LOC102723971: variants seen among roughly 807,000 people sequenced by gnomAD.
the LOC102723971 span, chr9:135,616,600 T>G: frequency 2.8e-5 from 11 of 398,480 alleles, no homozygotes; most frequent in African/African-American, 6.2e-5. Flanking sequence ...AGAAGGGGTG[T>G]GTAAAGAAAC....
chr9:135,618,795 C>T, the LOC102723971 span: 1 of 397,150 alleles, frequency 2.5e-6, no homozygotes, highest in East Asian at 3.6e-5. Flanking sequence ...ACACAGCCAA[C>T]ATGGGGAGGC....
chr9:135,618,786 C>T, the LOC102723971 span: 2 of 396,642 alleles, frequency 5.0e-6, no homozygotes, highest in East Asian at 7.1e-5. Flanking sequence ...CCTGGCAGGA[C>T]ACAGCCAACA....
chr9:135,617,459 C>T, the LOC102723971 span, among the ~76,000 whole-genome samples: 3 of 152,082 alleles, frequency 2.0e-5, no homozygotes, highest in Non-Finnish European at 4.4e-5. Context: ...GCTGCAGTGT[C>T]CTGAAGACGA....
chr9:135,614,355 G>A, the LOC102723971 span: 34 of 398,370 alleles, frequency 8.5e-5, no homozygotes, highest in Middle Eastern at 6.2e-4. Flanking sequence ...CAGAAGGTAC[G>A]TGTCATGGGT....
the LOC102723971 span, among the ~76,000 whole-genome samples, chr9:135,615,090 T>A: frequency 6.6e-6 from 1 of 152,188 alleles, no homozygotes; most frequent in Non-Finnish European, 1.5e-5. Context: ...CGTTTGCCAG[T>A]GCAGCCCCCT....
chr9:135,618,086 A>C, the LOC102723971 span: 3 of 398,478 alleles, frequency 7.5e-6, no homozygotes, highest in African/African-American at 6.2e-5. Context: ...CCGGACGGGA[A>C]GAGGGCCTGA....
the LOC102723971 span, chr9:135,615,510 T>C: frequency 2.5e-6 from 1 of 398,622 alleles, no homozygotes; most frequent in Non-Finnish European, 4.4e-6. Flanking sequence ...TAAGCACGGC[T>C]CCTGCCGCCC....
At chr9:135,617,989 C>T in the LOC102723971 span, 1 of 398,774 alleles carries the variant, frequency 2.5e-6, no homozygotes, top group Non-Finnish European at 4.4e-6. Context: ...TGGGAAGATA[C>T]TTGGAGTACG....
chr9:135,618,078 G>A, the LOC102723971 span: 87 of 398,710 alleles, frequency 2.2e-4, 1 homozygote, highest in Non-Finnish European at 2.7e-4. Flanking sequence ...TCCTGGAGCC[G>A]GACGGGAAGA....
chr9:135,616,480 A>G, the LOC102723971 span: 14 of 396,658 alleles, frequency 3.5e-5, no homozygotes, highest in Middle Eastern at 1.9e-3. Context: ...GGTGGCAGCC[A>G]CAGTGTCCCC....
At chr9:135,619,700 C>T in the LOC102723971 span, among the ~76,000 whole-genome samples, 19 of 152,072 alleles carry the variant, frequency 1.2e-4, no homozygotes, top group Non-Finnish European at 2.4e-4. Flanking sequence ...TTCTGAAGGG[C>T]GGCGCCCACT....
chr9:135,615,631 G>T, the LOC102723971 span: 1 of 397,428 alleles, frequency 2.5e-6, no homozygotes, highest in South Asian at 1.4e-4. Flanking sequence ...CTCCAAGAGG[G>T]GTAAGCTCAG....
At chr9:135,616,710 G>T in the LOC102723971 span, 1 of 398,676 alleles carries the variant, frequency 2.5e-6, no homozygotes, top group South Asian at 1.3e-4. Flanking sequence ...GGGGAGGGGC[G>T]AGCAAGGGGC....
At chr9:135,618,060 C>T in the LOC102723971 span, 2 of 398,588 alleles carry the variant, frequency 5.0e-6, no homozygotes, top group East Asian at 3.6e-5. Flanking sequence ...CACTGTCCCC[C>T]AGCCACATCC....
At chr9:135,615,591 C>T in the LOC102723971 span, 1 of 398,144 alleles carries the variant, frequency 2.5e-6, no homozygotes, top group East Asian at 3.6e-5. Flanking sequence ...CAGAGGAACA[C>T]ATCACACCAA....
chr9:135,615,129 G>A, the LOC102723971 span, among the ~76,000 whole-genome samples: 1 of 152,206 alleles, frequency 6.6e-6, no homozygotes, highest in East Asian at 1.9e-4. Context: ...TGCTGACCAT[G>A]CTCAGTGCCG....
the LOC102723971 span, among the ~76,000 whole-genome samples, chr9:135,614,854 C>A: frequency 6.6e-6 from 1 of 152,078 alleles, no homozygotes; most frequent in African/African-American, 2.4e-5. Context: ...CCCGGCACAG[C>A]ACCAGACCCT....
chr9:135,616,627 C>T, the LOC102723971 span: 5 of 398,764 alleles, frequency 1.3e-5, no homozygotes, highest in Non-Finnish European at 1.8e-5. Context: ...CACCGTCCAT[C>T]CAACCCAGTT....
the LOC102723971 span, among the ~76,000 whole-genome samples, chr9:135,619,415 C>G: frequency 6.6e-6 from 1 of 152,070 alleles, no homozygotes; most frequent in Non-Finnish European, 1.5e-5. Context: ...CTCAAGTGTC[C>G]TTCAGGAACA....
Sources: gnomAD v4.1 joint callset for allele counts (sites outside exome capture counted in the v4.1 genomes callset) on GRCh38, gnomAD v4.1.1 for gene constraint, MANE v1.5 for transcripts.